EPN2: variants seen among roughly 807,000 people sequenced by gnomAD.
EPN2 encodes epsin 2.
EPN2 carries 34 observed loss-of-function variants against 61.7 expected under a neutral mutation model. The observed-to-expected ratio is 0.55, with a 90% CI of 0.42 to 0.73. The LOEUF is 0.73. EPN2 is among the 30% of genes least tolerant of loss of function. The probability of loss-of-function intolerance (pLI) is 0.00; values close to 1 mark genes in which losing one functional copy is unlikely to be tolerated. For missense variants in EPN2, 714 were observed against 839.2 expected, an observed-to-expected ratio of 0.85 and a Z score of 1.84; for synonymous variants, 349 against 353.6, an observed-to-expected ratio of 0.99 and a Z score of 0.15.
At chr17:19,256,860 GA>G (rs1276410247) in intron 1 of EPN2, among the ~76,000 whole-genome samples, 3 of 152,192 alleles carry the variant, frequency 2.0e-5, no homozygotes, top group Admixed American at 6.5e-5. Context: ...TGTATAATGT[GA>G]TTGCAGAGAA....
chr17:19,288,790 A>G (rs900560685), intron 4 of EPN2, among the ~76,000 whole-genome samples: 5 of 152,208 alleles, frequency 3.3e-5, no homozygotes, highest in Non-Finnish European at 7.3e-5. Flanking sequence ...TGCCGATGTC[A>G]TTGCTAGGAG....
chr17:19,242,162 C>G (rs2044891890), intron 1 of EPN2, among the ~76,000 whole-genome samples: 1 of 150,060 alleles, frequency 6.7e-6, no homozygotes, highest in Non-Finnish European at 1.5e-5. Context: ...CTAGGCCAGC[C>G]ACGGTGGCTC....
intron 1 of EPN2, among the ~76,000 whole-genome samples, chr17:19,266,010 T>C (rs1463802801): frequency 6.6e-6 from 1 of 152,168 alleles, no homozygotes; most frequent in East Asian, 1.9e-4. Context: ...GGCTCTGGAC[T>C]CTGCTCATTG....
chr17:19,280,447 C>T (rs1190244619), intron 1 of EPN2, among the ~76,000 whole-genome samples: 1 of 152,126 alleles, frequency 6.6e-6, no homozygotes, highest in Non-Finnish European at 1.5e-5. Context: ...TGCAGGTCAC[C>T]GTGCAAAAGT....
intron 7 of EPN2, among the ~76,000 whole-genome samples, chr17:19,327,985 GCACATCACAGCGTTGA>G (rs1906966212): frequency 6.6e-6 from 1 of 152,180 alleles, no homozygotes; most frequent in South Asian, 2.1e-4. Flanking sequence ...ACATAAAGAT[GCACATCACAGCGTTGA>G]CACTTAACAT....
chr17:19,266,763 A>G (rs960687886), intron 1 of EPN2, among the ~76,000 whole-genome samples: 4 of 152,038 alleles, frequency 2.6e-5, no homozygotes, highest in Non-Finnish European at 4.4e-5. Context: ...CAAAAAAATT[A>G]GTAACAACCC....
At chr17:19,331,791 A>T (rs111365602) in intron 9 of EPN2, 62 bp from the exon 10 acceptor site, 3 of 1,434,826 alleles carry the variant, frequency 2.1e-6, no homozygotes, top group African/African-American at 1.4e-5. Context: ...TTTTGTGTTA[A>T]GTACACAGTC....
Position 19,335,541 on chromosome 17 carries a change from G to A in EPN2, c.*1287G>A. The A allele has an allele frequency of 1.3e-6, 2 of 1,482,828 alleles. No individual in the cohort carries two copies. The highest frequency in any genetic ancestry group is 1.7e-4 in the Middle Eastern group (1 of 5,776). 91.9% of individuals were successfully genotyped at this position (1,482,828 alleles called of 1,614,324 possible). A position where few individuals can be genotyped will look rare whatever the true frequency, so the allele number is the denominator to read the frequency against. ...AGATGGGGATAATGTGGAAATGGCAGTTGTCCCGAGGGCGTGGGGTGGGGG... is the reference window on the plus strand; with the variant it reads ...AGATGGGGATAATGTGGAAATGGCAATTGTCCCGAGGGCGTGGGGTGGGGG... On this transcript the variant is annotated 3_prime_UTR_variant, in exon 11 of 11. Coordinates refer to ENST00000314728, the MANE Select transcript of EPN2 (RefSeq NM_014964.5).
rs142873641 is a variant in EPN2 at position 19,283,350 on chromosome 17, G to A, written c.231G>A (p.Ala77=). The A allele has an allele frequency of 3.1e-6, 5 of 1,614,104 alleles. No homozygotes were observed. Among genetic ancestry groups the A allele is most frequent in the East Asian group, 2.2e-5 (1 of 44,872 alleles). The change falls in exon 3 of 11, where the codon GCG becomes GCA. Residue 77 remains alanine, a synonymous_variant. Coordinates refer to ENST00000314728, the MANE Select transcript of EPN2 (RefSeq NM_014964.5). The surrounding 1 kb of genome is among the most constrained non-coding windows in gnomAD (Gnocchi z 7.0). ...HGKNWRHVYK[A]LTLLDYLIKT... is the part of the protein sequence containing the mutation. ...AGAACTGGCGGCATGTGTACAAGGC[G>A]CTGACCCTGCTGGACTACCTCATCA...
intron 1 of EPN2, among the ~76,000 whole-genome samples, chr17:19,259,526 A>G (rs1256369975): frequency 6.6e-6 from 1 of 151,978 alleles, no homozygotes; most frequent in Non-Finnish European, 1.5e-5. Context: ...GTTAGCCAGG[A>G]TGGTCTCAAT....
chr17:19,331,892 C>T lies in EPN2; in HGVS notation c.1451C>T (p.Thr484Ile), dbSNP rs1178735101. 6.2e-7 allele frequency: 1 copy of T among 1,614,206 alleles called. No individual in the cohort carries two copies. The highest frequency in any genetic ancestry group is 1.1e-5 in the South Asian group (1 of 91,082). The change falls in exon 10 of 11, where the codon ACT becomes ATT. Residue 484 changes from threonine to isoleucine, a missense_variant. Physicochemically the swap from Thr to Ile is moderately conservative, Grantham distance 89. Coordinates refer to ENST00000314728, the MANE Select transcript of EPN2 (RefSeq NM_014964.5). ...TCTCTGCCATCCCAAAACAATGGAA[C>T]TACCAGCCCTGACCCCTTTGAGTCT... The part of the protein sequence containing the change: ...VTSLPSQNNG[T>I]TSPDPFESQP...
Position 19,283,032 on chromosome 17 carries a change from G to C in EPN2, c.-88G>C, listed in dbSNP as rs538083735. ...GATCTTACTCCAGCTTGATTACGGA[G>C]ACTGAACCTTCATAGGGTGCGCACT... On this transcript the variant is annotated 5_prime_UTR_variant, in exon 3 of 11. Coordinates refer to ENST00000314728, the MANE Select transcript of EPN2 (RefSeq NM_014964.5). This position sits in a 1 kb window ranked among gnomAD's most constrained non-coding sequence, Gnocchi z 7.0. 7.8e-6 allele frequency: 7 copies of C among 893,196 alleles called. No individual in the cohort carries two copies. In the South Asian group the frequency reaches 1.1e-4, roughly 14 times the overall value. 55.3% of individuals were successfully genotyped at this position (893,196 alleles called of 1,614,324 possible).
intron 4 of EPN2, among the ~76,000 whole-genome samples, chr17:19,307,382 C>G (rs894805451): frequency 6.6e-6 from 1 of 152,126 alleles, no homozygotes; most frequent in Non-Finnish European, 1.5e-5. Context: ...GCGATCTCAG[C>G]TCACTGCAAG....
chr17:19,239,289 A>T (rs1003641316), intron 1 of EPN2, among the ~76,000 whole-genome samples: 4 of 152,178 alleles, frequency 2.6e-5, no homozygotes, highest in African/African-American at 7.2e-5. Flanking sequence ...CTGGGATTAC[A>T]GGCGCACGCC....
chr17:19,335,290 C>A lies in EPN2; in HGVS notation c.*1036C>A. 2 of 1,087,962 alleles carry A rather than the reference C, an allele frequency of 1.8e-6. No homozygotes were observed. The highest frequency in any genetic ancestry group is 2.6e-6 in the Non-Finnish European group (2 of 768,322). The allele number at this position is 1,087,962 out of a possible 1,614,324, so 67.4% of individuals were successfully genotyped here. On this transcript the variant is annotated 3_prime_UTR_variant, in exon 11 of 11. Transcript: ENST00000314728. Reference sequence around the variant, plus strand: ...GACTTTCAGCCTTTTTGGCTAGATCCTGAGAGGCTATTTTTCTTACGAATA... The same window carrying A: ...GACTTTCAGCCTTTTTGGCTAGATCATGAGAGGCTATTTTTCTTACGAATA...
chr17:19,290,564 G>C (rs2045452806), intron 4 of EPN2, among the ~76,000 whole-genome samples: 1 of 151,884 alleles, frequency 6.6e-6, no homozygotes, highest in African/African-American at 2.4e-5. Flanking sequence ...GGAATGCTCA[G>C]CTTGGTGTTC....
intron 4 of EPN2, among the ~76,000 whole-genome samples, chr17:19,295,539 AAAAG>A (rs2045511675): frequency 6.6e-6 from 1 of 152,084 alleles, no homozygotes; most frequent in South Asian, 2.1e-4. Flanking sequence ...TCTCAGAAAA[AAAAG>A]AAAAGAAAAG....
In EPN2 at chr17:19,313,219, A is replaced by C. The variant is rs1250527388; in HGVS notation, c.1087A>C (p.Thr363Pro). Residue 363 changes from threonine (T) to proline (P), a missense_variant, in exon 7 of 11, where the codon ACC becomes CCC. Thr to Pro is a conservative substitution (Grantham distance 38). Transcript: ENST00000314728. Reference protein sequence around the residue: ...PWGPSASTNQTNPWGGPAAPA... With the variant: ...PWGPSASTNQPNPWGGPAAPA... ...GGGCCCGTCAGCCTCCACTAACCAG[A>C]CCAACCCCTGGGGCGGGCCAGCGGC... 3.7e-6 allele frequency: 6 copies of C among 1,603,134 alleles called. No homozygotes were observed. The Admixed American group carries it at 1.1e-4, about 28-fold the overall frequency.
chr17:19,259,481 T>G (rs2045117286), intron 1 of EPN2, among the ~76,000 whole-genome samples: 1 of 151,950 alleles, frequency 6.6e-6, no homozygotes, highest in Non-Finnish European at 1.5e-5. Flanking sequence ...CCTGGCTAAC[T>G]TTTTGTATTT....
Sources: gnomAD v4.1 joint callset for allele counts (sites outside exome capture counted in the v4.1 genomes callset) on GRCh38, gnomAD v4.1.1 for gene constraint, Gnocchi (gnomAD v3.1) non-coding constraint, MANE v1.5 for transcripts, NCBI Gene and HGNC (gene_info 2026-07-23, HGNC 2026-07-21) for gene names.